RBMS3: variants seen among roughly 807,000 people sequenced by gnomAD.
The protein encoded by RBMS3 is RNA binding motif single stranded interacting protein 3.
RBMS3 carries 27 observed loss-of-function variants against 66.8 expected under a neutral mutation model. The ratio of observed to expected loss-of-function variants is 0.40; its 90% CI spans 0.30 to 0.56. The LOEUF is 0.56. Ranked by LOEUF, RBMS3 falls within the 20% of genes least tolerant of loss-of-function variation. The pLI, the probability that RBMS3 is intolerant of heterozygous loss-of-function variation, is 0.40. For synonymous variants in RBMS3, 188 were observed against 183.0 expected (o/e 1.03, Z -0.22); for missense variants, 513 against 549.5 (o/e 0.93, Z 0.66).
chr3:29,370,568 T>C (rs1279412878), intron 1 of RBMS3, among the ~76,000 whole-genome samples: 1 of 152,238 alleles, frequency 6.6e-6, no homozygotes, highest in Admixed American at 6.5e-5. Flanking sequence ...CATCCACTTG[T>C]GAGACTCTTA....
chr3:29,315,992 G>A (rs188000005), intron 1 of RBMS3, among the ~76,000 whole-genome samples: 7 of 151,702 alleles, frequency 4.6e-5, no homozygotes, highest in African/African-American at 1.7e-4. Flanking sequence ...ATTTACTTTA[G>A]ACTGTAAATT....
At chr3:29,660,228 GTTA>G (rs2050486983) in intron 4 of RBMS3, among the ~76,000 whole-genome samples, 1 of 152,094 alleles carries the variant, frequency 6.6e-6, no homozygotes, top group South Asian at 2.1e-4. Context: ...TTGATGGTCT[GTTA>G]TTATGTGCAT....
At chr3:29,800,479 A>T (rs1168963097) in intron 6 of RBMS3, among the ~76,000 whole-genome samples, 1 of 152,232 alleles carries the variant, frequency 6.6e-6, no homozygotes, top group Non-Finnish European at 1.5e-5. Context: ...AATTTATGAG[A>T]TATTTTCTAC....
intron 5 of RBMS3, among the ~76,000 whole-genome samples, chr3:29,745,300 T>G (rs996723417): frequency 3.9e-5 from 6 of 151,960 alleles, no homozygotes; most frequent in Non-Finnish European, 7.4e-5. Flanking sequence ...TCCACCCCCC[T>G]CCAGGCAGCA....
At chr3:29,418,669 T>C (rs1322461303) in intron 1 of RBMS3, among the ~76,000 whole-genome samples, 2 of 152,112 alleles carry the variant, frequency 1.3e-5, no homozygotes, top group Non-Finnish European at 2.9e-5. Context: ...AATCTTTGCT[T>C]TCCTCTGCTG....
At position 30,006,413 on chromosome 3, in the gene RBMS3, G is replaced by GA. The variant is rs1250070111; in HGVS notation, c.*2555dup. The GA allele has an allele frequency of 6.6e-6, 1 of 151,856 alleles. No homozygotes were observed. The highest frequency in any genetic ancestry group is 2.4e-5 in the African/African-American group (1 of 41,412). 9.4% of individuals were successfully genotyped at this position (151,856 alleles called of 1,614,324 possible). On this transcript the variant is annotated 3_prime_UTR_variant, in exon 15 of 15. Coordinates refer to ENST00000383767, the MANE Select transcript of RBMS3 (RefSeq NM_001003793.3). ...ACATTGGAGACAAAAGTGTATCCAA[G>GA]AAAATGTAGTGTGCGTTATAGAGAA...
chr3:29,302,007 A>T (rs1239765556), intron 1 of RBMS3, among the ~76,000 whole-genome samples: 1 of 151,880 alleles, frequency 6.6e-6, no homozygotes, highest in Non-Finnish European at 1.5e-5. Context: ...ACAATATTAA[A>T]TTTTTTTTAA....
chr3:29,422,527 T>C (rs760616847), intron 1 of RBMS3, among the ~76,000 whole-genome samples: 2 of 151,848 alleles, frequency 1.3e-5, no homozygotes, highest in Non-Finnish European at 2.9e-5. Flanking sequence ...ATACTGAAAA[T>C]GGGAGTCCTC....
At chr3:29,334,260 C>A (rs2035824058) in intron 1 of RBMS3, among the ~76,000 whole-genome samples, 1 of 152,130 alleles carries the variant, frequency 6.6e-6, no homozygotes, top group Non-Finnish European at 1.5e-5. Context: ...TTGCAATACA[C>A]ATATAACTTA....
At chr3:29,287,182 T>C (rs1372022644) in intron 1 of RBMS3, among the ~76,000 whole-genome samples, 1 of 152,074 alleles carries the variant, frequency 6.6e-6, no homozygotes, top group African/African-American at 2.4e-5. Context: ...GAAAATATCC[T>C]CTCGGAAAAC....
chr3:29,786,806 A>G (rs920077857), intron 6 of RBMS3, among the ~76,000 whole-genome samples: 3 of 152,216 alleles, frequency 2.0e-5, no homozygotes, highest in Admixed American at 6.5e-5. Context: ...CCAAGAACCC[A>G]AAAGCAAATG....
chr3:29,389,553 G>T (rs547392323), intron 1 of RBMS3, among the ~76,000 whole-genome samples: 2 of 152,290 alleles, frequency 1.3e-5, no homozygotes, highest in African/African-American at 4.8e-5. Context: ...TTACCAGAAA[G>T]TGCAGGTCCC....
intron 4 of RBMS3, among the ~76,000 whole-genome samples, chr3:29,710,329 A>C (rs1368256505): frequency 6.6e-6 from 1 of 152,182 alleles, no homozygotes; most frequent in Non-Finnish European, 1.5e-5. Context: ...ATAATATATC[A>C]GTAATAATCA....
intron 2 of RBMS3, among the ~76,000 whole-genome samples, chr3:29,457,536 A>G (rs2042232904): frequency 1.3e-5 from 2 of 152,082 alleles, no homozygotes; most frequent in Admixed American, 1.3e-4. Context: ...AGCCTGGTCA[A>G]CATAGTGAAA....
chr3:29,627,931 C>G (rs190448019), intron 4 of RBMS3, among the ~76,000 whole-genome samples: 1 of 152,172 alleles, frequency 6.6e-6, no homozygotes, highest in African/African-American at 2.4e-5. Context: ...TTCTAAGGAG[C>G]CAGTGTAGAG....
chr3:29,785,077 A>G (rs13063156), intron 6 of RBMS3, among the ~76,000 whole-genome samples: 18,003 of 152,098 alleles, frequency 0.12, 1,230 homozygotes, highest in African/African-American at 0.17. Context: ...TCACAGCTGA[A>G]TTTTATCAGA....
At chr3:29,778,519 A>T (rs2056505859) in intron 6 of RBMS3, among the ~76,000 whole-genome samples, 1 of 151,720 alleles carries the variant, frequency 6.6e-6, no homozygotes, top group Non-Finnish European at 1.5e-5. Flanking sequence ...TTTATTTCTC[A>T]AACACCCTTA....
chr3:29,979,644 T>C (rs970353983), intron 12 of RBMS3, among the ~76,000 whole-genome samples: 1 of 152,192 alleles, frequency 6.6e-6, no homozygotes, highest in South Asian at 2.1e-4. Context: ...GGCTCATGTG[T>C]TCTCATTGTT....
intron 5 of RBMS3, among the ~76,000 whole-genome samples, chr3:29,750,227 A>G (rs1038860543): frequency 6.6e-6 from 1 of 152,168 alleles, no homozygotes; most frequent in Non-Finnish European, 1.5e-5. Flanking sequence ...TAAGATCTCT[A>G]AATTTATCAG....
Sources: allele counts gnomAD v4.1 joint callset (sites outside exome capture counted in the v4.1 genomes callset), GRCh38; gene constraint gnomAD v4.1.1; transcripts MANE v1.5; gene names NCBI Gene and HGNC (gene_info 2026-07-23, HGNC 2026-07-21).